The following SOX6 variants were observed in gnomAD, a reference collection of about 807,000 sequenced individuals.
SOX6 encodes the protein transcription factor SOX-6.
Under a neutral mutation model 97.8 loss-of-function variants are expected in SOX6, and 11 were observed. That is an observed-to-expected ratio of 0.11 (90% CI 0.07 to 0.19). The LOEUF (loss-of-function observed/expected upper bound fraction) is 0.19, where lower values mean the gene tolerates loss of function less well. Among genes scored for constraint, SOX6 ranks in the 10% least tolerant of loss-of-function variants. SOX6 has a pLI of 1.00. For synonymous variants in SOX6, 360 were observed against 371.4 expected, an observed-to-expected ratio of 0.97 and a Z score of 0.35; for missense variants, 810 against 1,039.5, an observed-to-expected ratio of 0.78 and a Z score of 3.04.
At chr11:16,279,205 A>C (rs1854484506) in intron 3 of SOX6, among the ~76,000 whole-genome samples, 1 of 152,112 alleles carries the variant, frequency 6.6e-6, no homozygotes, top group Admixed American at 6.6e-5. Flanking sequence ...AAATGTTACC[A>C]AGGGAATGAA....
chr11:16,040,194 TCCTACA>T (rs1023626560), intron 12 of SOX6, among the ~76,000 whole-genome samples: 1 of 152,094 alleles, frequency 6.6e-6, no homozygotes, highest in African/African-American at 2.4e-5. Flanking sequence ...TTATATTTAT[TCCTACA>T]CCTACACCTA....
At chr11:16,196,310 A>G (rs1264103737) in intron 4 of SOX6, among the ~76,000 whole-genome samples, 3 of 152,236 alleles carry the variant, frequency 2.0e-5, no homozygotes, top group African/African-American at 7.2e-5. Context: ...AAAATCAGAA[A>G]GTCTGGCAAC....
chr11:16,041,553 G>A (rs1057039494), intron 12 of SOX6, among the ~76,000 whole-genome samples: 7 of 152,074 alleles, frequency 4.6e-5, no homozygotes, highest in Non-Finnish European at 1.5e-5. Context: ...ATTAGATATT[G>A]TTTTCCTATT....
chr11:16,680,127 G>T (rs550732269), intron 3 of SOX6, among the ~76,000 whole-genome samples: 24 of 152,186 alleles, frequency 1.6e-4, no homozygotes, highest in Middle Eastern at 3.4e-3. Context: ...AAGATACTCC[G>T]TGAGAAGAGC....
At chr11:16,184,063 A>C (rs1851409832) in intron 5 of SOX6, 109 bp from the exon 6 acceptor site, 1 of 978,102 alleles carries the variant, frequency 1.0e-6, no homozygotes, top group African/African-American at 1.6e-5. Flanking sequence ...CCTCTATGTG[A>C]AAGAGTTCCT....
chr11:16,684,345 T>C (rs892245531), intron 3 of SOX6, among the ~76,000 whole-genome samples: 1 of 152,170 alleles, frequency 6.6e-6, no homozygotes, highest in Non-Finnish European at 1.5e-5. Context: ...TGTCCATCAA[T>C]GATAGATGGA....
At chr11:16,444,521 T>C (rs1229595826) in intron 1 of SOX6, among the ~76,000 whole-genome samples, 1 of 152,202 alleles carries the variant, frequency 6.6e-6, no homozygotes, top group Non-Finnish European at 1.5e-5. Context: ...CTTAAAATGT[T>C]AACCTTTACA....
intron 3 of SOX6, among the ~76,000 whole-genome samples, chr11:16,252,940 C>T (rs1398801197): frequency 2.6e-5 from 4 of 152,174 alleles, no homozygotes; most frequent in East Asian, 3.9e-4. Flanking sequence ...TTCCCTCACA[C>T]GTTACCACTA....
chr11:16,334,037 TGTGA>T (rs896646955), intron 2 of SOX6, among the ~76,000 whole-genome samples: 46 of 152,138 alleles, frequency 3.0e-4, no homozygotes, highest in Admixed American at 2.6e-3. Flanking sequence ...TGTTGCAAAT[TGTGA>T]GTGTCAGTGA....
chr11:16,341,202 C>A lies in SOX6; in HGVS notation c.47G>T (p.Gly16Val). ...ATSPFACAAD[G>V]EDAMTQDLTS... is the part of the protein sequence containing the mutation. ...TAAATCCTGGGTCATTGCATCCTCT[C>A]CATCAGCTGCACAGGCAAATGGAGA... Residue 16 changes from glycine to valine, a missense_variant, in exon 2 of 16, where the codon GGA becomes GTA. Coordinates refer to ENST00000683767, the MANE Select transcript of SOX6 (RefSeq NM_001367873.1). 6.2e-7 allele frequency: 1 copy of A among 1,613,448 alleles called. No individual in the cohort carries two copies. The highest frequency in any genetic ancestry group is 1.7e-5 in the Admixed American group (1 of 59,940).
intron 3 of SOX6, among the ~76,000 whole-genome samples, chr11:16,686,724 C>T (rs937116136): frequency 6.6e-6 from 1 of 152,182 alleles, no homozygotes; most frequent in African/African-American, 2.4e-5. Flanking sequence ...TCCAGAGTTG[C>T]TTCCACATTT....
At chr11:16,078,969 T>C (rs1402667137) in intron 9 of SOX6, among the ~76,000 whole-genome samples, 1 of 152,160 alleles carries the variant, frequency 6.6e-6, no homozygotes. Context: ...AAGATAGCAA[T>C]GGGGCCAGAT....
At chr11:16,290,103 G>A (rs1211373603) in intron 3 of SOX6, among the ~76,000 whole-genome samples, 1 of 151,950 alleles carries the variant, frequency 6.6e-6, no homozygotes, top group Non-Finnish European at 1.5e-5. Flanking sequence ...TCAGAATGGA[G>A]TTAAGTCAAC....
chr11:16,603,974 G>A (rs1391664119), intron 4 of SOX6, among the ~76,000 whole-genome samples: 1 of 152,242 alleles, frequency 6.6e-6, no homozygotes, highest in Non-Finnish European at 1.5e-5. Context: ...CGTGCCTGCG[G>A]GCCTCGGGGA....
At chr11:16,266,193 G>A (rs1854079250) in intron 3 of SOX6, among the ~76,000 whole-genome samples, 1 of 151,688 alleles carries the variant, frequency 6.6e-6, no homozygotes, top group African/African-American at 2.4e-5. Flanking sequence ...CAAAAAGGCA[G>A]GTTATTGTAG....
At chr11:16,181,211 AG>A (rs1851337405) in intron 6 of SOX6, among the ~76,000 whole-genome samples, 1 of 151,730 alleles carries the variant, frequency 6.6e-6, no homozygotes, top group South Asian at 2.1e-4. Flanking sequence ...TGACCATGTA[AG>A]CTAATAGGTT....
At chr11:16,199,953 C>T (rs1157665071) in intron 4 of SOX6, among the ~76,000 whole-genome samples, 1 of 152,136 alleles carries the variant, frequency 6.6e-6, no homozygotes, top group African/African-American at 2.4e-5. Context: ...TATATTAACT[C>T]TTTCTAACAT....
intron 1 of SOX6, among the ~76,000 whole-genome samples, chr11:16,457,101 C>A (rs1281221761): frequency 1.3e-5 from 2 of 152,044 alleles, no homozygotes; most frequent in Non-Finnish European, 2.9e-5. Context: ...GTTTTTCAAT[C>A]TTTCATTCAA....
At chr11:16,322,722 G>A (rs1327506277) in intron 2 of SOX6, among the ~76,000 whole-genome samples, 1 of 152,106 alleles carries the variant, frequency 6.6e-6, no homozygotes, top group Non-Finnish European at 1.5e-5. Context: ...GGGGGCCAAG[G>A]AATTTGAATA....
Sources: allele counts gnomAD v4.1 joint callset (sites outside exome capture counted in the v4.1 genomes callset), GRCh38; gene constraint gnomAD v4.1.1; transcripts MANE v1.5; gene names NCBI Gene and HGNC (gene_info 2026-07-23, HGNC 2026-07-21).